The following NTNG2 variants were observed in gnomAD, a reference collection of about 807,000 sequenced individuals.
NTNG2 encodes netrin-G2.
Under a neutral mutation model 47.6 loss-of-function variants are expected in NTNG2, and 15 were observed. The observed-to-expected ratio is 0.32, with a 90% CI of 0.21 to 0.49. NTNG2 has a LOEUF of 0.49. NTNG2 is among the 20% of genes least tolerant of loss of function. The pLI is 0.99. For synonymous variants in NTNG2, 307 were observed against 324.6 expected (o/e 0.95, Z 0.58); for missense variants, 578 against 764.6 (o/e 0.76, Z 2.88).
chr9:132,170,381 A>C (rs1255936053), intron 2 of NTNG2, among the ~76,000 whole-genome samples: 1 of 152,226 alleles, frequency 6.6e-6, no homozygotes, highest in African/African-American at 2.4e-5. Flanking sequence ...ACAAAATTGC[A>C]ATGAGGGCTG....
chr9:132,199,263 C>G (rs1838561626), intron 3 of NTNG2, among the ~76,000 whole-genome samples: 1 of 152,106 alleles, frequency 6.6e-6, no homozygotes, highest in Admixed American at 6.6e-5. Flanking sequence ...TGAATGGGCT[C>G]TCATGTTCAG....
intron 3 of NTNG2, among the ~76,000 whole-genome samples, chr9:132,223,127 A>T (rs1164516725): frequency 2.6e-5 from 4 of 151,784 alleles, no homozygotes; most frequent in African/African-American, 7.3e-5. Context: ...AAGCAAAAAG[A>T]CTCCATTGCC....
Position 132,218,652 on chromosome 9 carries a change from A to T in NTNG2, c.858-8197A>T, listed in dbSNP as rs1444326957. On this transcript the variant is annotated intron_variant, in intron 3 of 7. Coordinates refer to ENST00000393229, the MANE Select transcript of NTNG2 (RefSeq NM_032536.4). The surrounding 1 kb of genome is among the most constrained non-coding windows in gnomAD (Gnocchi z 5.4). Reference sequence around the variant, plus strand: ...GCTGGGATTACAGGCGCATGCCACCACACCCAGCTAATTTTTGTATTTTTA... The same window carrying T: ...GCTGGGATTACAGGCGCATGCCACCTCACCCAGCTAATTTTTGTATTTTTA... Among the ~76,000 whole-genome samples, 1 of 151,908 alleles carries T rather than the reference A, an allele frequency of 6.6e-6. No homozygotes were observed. Among genetic ancestry groups the T allele is most frequent in the East Asian group, 1.9e-4 (1 of 5,162 alleles).
Position 132,166,689 on chromosome 9 carries a change from T to A in NTNG2, c.-143T>A. ...ACAAGTTCCTCGCTGTTTGCAAAGC[T>A]TCAGTGCTCGGGTCCCTGGGACACC... On this transcript the variant is annotated 5_prime_UTR_variant, in exon 2 of 8. Coordinates refer to ENST00000393229, the MANE Select transcript of NTNG2 (RefSeq NM_032536.4). 1.4e-6 allele frequency: 1 copy of A among 710,330 alleles called. No homozygotes were observed. Among genetic ancestry groups the A allele is most frequent in the Non-Finnish European group, 2.4e-6 (1 of 413,710 alleles). 44.0% of individuals were successfully genotyped at this position (710,330 alleles called of 1,614,324 possible).
chr9:132,214,374 C>T (rs1226453658), intron 3 of NTNG2, among the ~76,000 whole-genome samples: 2 of 152,216 alleles, frequency 1.3e-5, no homozygotes, highest in Non-Finnish European at 2.9e-5. Flanking sequence ...AGGGCACGCT[C>T]CTGCCTGGCA....
At chr9:132,222,838 GCT>G (rs1038545349) in intron 3 of NTNG2, among the ~76,000 whole-genome samples, 7 of 152,188 alleles carry the variant, frequency 4.6e-5, no homozygotes, top group African/African-American at 1.4e-4. Flanking sequence ...AGTCGCAATG[GCT>G]CACACCTATA....
At chr9:132,172,920 G>A (rs909255817) in intron 2 of NTNG2, among the ~76,000 whole-genome samples, 4 of 152,032 alleles carry the variant, frequency 2.6e-5, no homozygotes, top group East Asian at 3.9e-4. Flanking sequence ...TAGTAGAGAC[G>A]GGGTTTCACT....
In NTNG2 at chr9:132,236,591, A is replaced by G. The variant is rs1351074427; in HGVS notation, c.1055-2513A>G. Among the ~76,000 whole-genome samples the G allele has an allele frequency of 6.6e-6, 1 of 152,328 alleles. No individual in the cohort carries two copies. Among genetic ancestry groups the G allele is most frequent in the East Asian group, 1.9e-4 (1 of 5,178 alleles). On this transcript the variant is annotated intron_variant, in intron 5 of 7. Coordinates refer to ENST00000393229, the MANE Select transcript of NTNG2 (RefSeq NM_032536.4). This position sits in a 1 kb window ranked among gnomAD's most constrained non-coding sequence, Gnocchi z 4.3. The stretch of plus-strand genomic sequence containing the variant: ...TACTGGCAGGAAGCTCTGGCGCTGG[A>G]AGCATGTTTAGAGAGGGTCTGAGGC...
chr9:132,166,438 A>G lies in NTNG2; in HGVS notation c.-394A>G. The G allele has an allele frequency of 4.1e-6, 1 of 246,358 alleles. No homozygotes were observed. Among genetic ancestry groups the G allele is most frequent in the Non-Finnish European group, 8.1e-6 (1 of 122,876 alleles). 15.3% of individuals were successfully genotyped at this position (246,358 alleles called of 1,614,324 possible). A position where few individuals can be genotyped will look rare whatever the true frequency, so the allele number is the denominator to read the frequency against. On this transcript the variant is annotated 5_prime_UTR_variant, in exon 2 of 8. Coordinates refer to ENST00000393229, the MANE Select transcript of NTNG2 (RefSeq NM_032536.4). ...ATTGATTGGAAGGACAAAAATTAAA[A>G]GCAATCTGATCCAGCCTCATGCAGG...
intron 2 of NTNG2, among the ~76,000 whole-genome samples, chr9:132,188,808 A>G (rs998401770): frequency 6.6e-6 from 1 of 152,156 alleles, no homozygotes; most frequent in Non-Finnish European, 1.5e-5. Flanking sequence ...TTGAGCGTTC[A>G]TTCATTCTCC....
chr9:132,216,406 CTCTCTCTCTGTGTGTGTGTGTATGTGTG>C (rs1172007420), intron 3 of NTNG2, among the ~76,000 whole-genome samples: 11 of 95,594 alleles, frequency 1.2e-4, no homozygotes, highest in African/African-American at 5.9e-4. Context: ...CTCTCTCTCT[CTCTCTCTCTGTGTGTGTGTGTATGTGTG>C]TGTGTGTGTG....
chr9:132,216,083 T>C (rs1228726132), intron 3 of NTNG2, among the ~76,000 whole-genome samples: 1 of 152,062 alleles, frequency 6.6e-6, no homozygotes, highest in Non-Finnish European at 1.5e-5. Context: ...TTTGCCTAGC[T>C]TGAGGGGTCA....
At chr9:132,240,291 G>A (rs1036375819) in intron 6 of NTNG2, among the ~76,000 whole-genome samples, 9 of 152,242 alleles carry the variant, frequency 5.9e-5, no homozygotes, top group Non-Finnish European at 1.2e-4. Flanking sequence ...GGACAGGGCA[G>A]GGCCTTTGGA....
chr9:132,212,332 G>A (rs974066089), intron 3 of NTNG2, among the ~76,000 whole-genome samples: 2 of 152,138 alleles, frequency 1.3e-5, no homozygotes, highest in Admixed American at 6.5e-5. Context: ...CCCAGCACCC[G>A]CCCGTCAGCC....
chr9:132,239,612 C>A (rs773122403), intron 6 of NTNG2, among the ~76,000 whole-genome samples: 19 of 152,154 alleles, frequency 1.2e-4, no homozygotes, highest in Non-Finnish European at 2.5e-4. Context: ...TGGCAGAGGC[C>A]ACTGAGCATC....
At chr9:132,239,781 C>T (rs1051669428) in intron 6 of NTNG2, among the ~76,000 whole-genome samples, 6 of 152,270 alleles carry the variant, frequency 3.9e-5, no homozygotes, top group Non-Finnish European at 7.3e-5. Flanking sequence ...TGGGCCTCAG[C>T]TTCCTCATTC....
Position 132,206,919 on chromosome 9 carries a change from A to G in NTNG2, c.857+8310A>G, listed in dbSNP as rs78529166. Among the ~76,000 whole-genome samples, 976 of 152,330 alleles carry G rather than the reference A, an allele frequency of 6.4e-3. 16 individuals are homozygous for G. The East Asian group carries it at 0.07, about 11-fold the overall frequency. ...GGGTGGTGGGGTCCACTGCCAAGGC[A>G]GGTGGTTGACCCCTGGACCTGCGGT... On this transcript the variant is annotated intron_variant, in intron 3 of 7. Coordinates refer to ENST00000393229, the MANE Select transcript of NTNG2 (RefSeq NM_032536.4).
intron 4 of NTNG2, 103 bp downstream of exon 4, chr9:132,227,124 C>T (rs1840825403): frequency 7.9e-7 from 1 of 1,271,454 alleles, no homozygotes. Context: ...AACCTGCACA[C>T]AGGCACATAC....
intron 3 of NTNG2, among the ~76,000 whole-genome samples, chr9:132,209,053 T>C (rs1478219584): frequency 2.0e-5 from 3 of 152,218 alleles, no homozygotes; most frequent in Admixed American, 2.0e-4. Flanking sequence ...CCGTGTGCAC[T>C]GCACACCGTG....
Sources: gnomAD v4.1 joint callset for allele counts (sites outside exome capture counted in the v4.1 genomes callset) on GRCh38, gnomAD v4.1.1 for gene constraint, Gnocchi (gnomAD v3.1) non-coding constraint, MANE v1.5 for transcripts, NCBI Gene and HGNC (gene_info 2026-07-23, HGNC 2026-07-21) for gene names.